Variants in CIITA observed in about 807,000 individuals in gnomAD.
CIITA encodes the protein MHC class II transactivator.
Under a neutral mutation model 115.1 loss-of-function variants are expected in CIITA, and 72 were observed. The observed-to-expected ratio is 0.63, with a 90% CI of 0.52 to 0.76. The LOEUF (loss-of-function observed/expected upper bound fraction) is 0.76. CIITA is among the 30% of genes least tolerant of loss of function. The probability of loss-of-function intolerance (pLI) is 0.00; values close to 1 mark genes in which losing one functional copy is unlikely to be tolerated. For missense variants in CIITA, 1,617 were observed against 1,463.8 expected, an observed-to-expected ratio of 1.10 and a Z score of -1.71; for synonymous variants, 763 against 635.6, an observed-to-expected ratio of 1.20 and a Z score of -3.02.
intron 1 of CIITA, among the ~76,000 whole-genome samples, chr16:10,893,804 TAAAAA>T (rs71136603): frequency 0.011 from 339 of 32,160 alleles, 2 homozygotes; most frequent in South Asian, 0.019. Flanking sequence ...GACTCCGTCT[TAAAAA>T]AAAAAAAAAA....
intron 13 of CIITA, among the ~76,000 whole-genome samples, chr16:10,913,734 T>C (rs1175267733): frequency 6.6e-6 from 1 of 151,862 alleles, no homozygotes; most frequent in Non-Finnish European, 1.5e-5. Context: ...GGCCAGGAGT[T>C]TGAGACCAGC....
Position 10,907,268 on chromosome 16 carries a change from C to T in CIITA, c.1776C>T (p.Asp592=). ...GCTCAGGGATGACAGAGCACCAAGA[C>T]AGAGCCCTGACGCTCCTCCGGGACC... ...FESSGMTEHQ[D]RALTLLRDRP... is the part of the protein sequence containing the mutation. Residue 592 remains aspartate, a synonymous_variant, in exon 11 of 20, where the codon GAC becomes GAT. Transcript: ENST00000324288. The surrounding 1 kb of genome is among the most constrained non-coding windows in gnomAD (Gnocchi z 5.0). The T allele has an allele frequency of 1.2e-6, 2 of 1,613,548 alleles. No homozygotes were observed. The highest frequency in any genetic ancestry group is 2.2e-5 in the South Asian group (2 of 91,086).
upstream of CIITA, among the ~76,000 whole-genome samples, chr16:10,876,986 C>T (rs1437299526): frequency 6.6e-6 from 1 of 152,200 alleles, no homozygotes; most frequent in Non-Finnish European, 1.5e-5. Flanking sequence ...TTCTGTGCAA[C>T]TTTCTGTCTT....
Position 10,918,339 on chromosome 16 carries a change from C to T in CIITA, c.3063-101C>T, listed in dbSNP as rs45563036. 2.3e-5 allele frequency: 24 copies of T among 1,053,026 alleles called. No individual in the cohort carries two copies. The East Asian group carries it at 4.0e-4, about 18-fold the overall frequency. The allele number at this position is 1,053,026 out of a possible 1,614,324, so 65.2% of individuals were successfully genotyped here. On this transcript the variant is annotated intron_variant, in intron 15 of 19. Coordinates refer to ENST00000324288, the MANE Select transcript of CIITA (RefSeq NM_000246.4). Reference sequence around the variant, plus strand: ...TTACCGAGAGGTAGCTTAAGTCTGTCGACAGCGCCATTCACAGCCTATGAC... The same window carrying T: ...TTACCGAGAGGTAGCTTAAGTCTGTTGACAGCGCCATTCACAGCCTATGAC...
At position 10,933,522 on chromosome 16, in the gene CIITA, C is replaced by T. The variant is rs2040888155; in HGVS notation, c.*9667C>T. The stretch of plus-strand genomic sequence containing the variant: ...TGTGACCTCAGACAAGTCACCCACC[C>T]TCTCTGGGCCAGTTTCCTCATCTGG... On this transcript the variant is annotated 3_prime_UTR_variant, in exon 20 of 20. Coordinates refer to ENST00000324288, the MANE Select transcript of CIITA (RefSeq NM_000246.4). 1 of 152,348 alleles carries T rather than the reference C, an allele frequency of 6.6e-6. No homozygotes were observed. Among genetic ancestry groups the T allele is most frequent in the African/African-American group, 2.4e-5 (1 of 41,472 alleles). The allele number at this position is 152,348 out of a possible 1,614,324, so 9.4% of individuals were successfully genotyped here.
rs1439595868 is a variant in CIITA at position 10,923,064 on chromosome 16, G to T, written c.3318-164G>T. 7.3e-6 allele frequency: 5 copies of T among 684,518 alleles called. No individual in the cohort carries two copies. Among genetic ancestry groups the T allele is most frequent in the East Asian group, 2.6e-5 (1 of 39,154 alleles). 42.4% of individuals were successfully genotyped at this position (684,518 alleles called of 1,614,324 possible). ...CATAAAGGAATCTCGGGCCTCCTAG[G>T]CTTCTCCTTTTCCCCATGACCCACA... On this transcript the variant is annotated intron_variant, in intron 18 of 19. Coordinates refer to ENST00000324288, the MANE Select transcript of CIITA (RefSeq NM_000246.4). The surrounding 1 kb of genome is among the most constrained non-coding windows in gnomAD (Gnocchi z 5.2).
At chr16:10,909,952 C>T (rs1398821854) in intron 12 of CIITA, among the ~76,000 whole-genome samples, 2 of 151,920 alleles carry the variant, frequency 1.3e-5, no homozygotes, top group Non-Finnish European at 2.9e-5. Context: ...CCAGGCTGGT[C>T]TTGAACTCCT....
chr16:10,875,682 C>T (rs758951720), upstream of CIITA, among the ~76,000 whole-genome samples: 1 of 151,642 alleles, frequency 6.6e-6, no homozygotes, highest in African/African-American at 2.4e-5. Flanking sequence ...TTTTCTTTTT[C>T]TTTAGGAGAG....
At chr16:10,887,118 C>G (rs1195331998) in intron 1 of CIITA, among the ~76,000 whole-genome samples, 1 of 152,172 alleles carries the variant, frequency 6.6e-6, no homozygotes, top group Non-Finnish European at 1.5e-5. Context: ...ATTTGAGCTA[C>G]TACCCCCACA....
At chr16:10,918,682 T>G (rs1236572708) in intron 16 of CIITA, among the ~76,000 whole-genome samples, 156 bp downstream of exon 16, 3 of 152,238 alleles carry the variant, frequency 2.0e-5, no homozygotes, top group African/African-American at 7.2e-5. Flanking sequence ...AAAGAAACTC[T>G]GAGCAAGTCA....
At chr16:10,877,830 G>A (rs550822760) in intron 1 of CIITA, among the ~76,000 whole-genome samples, 1 of 152,324 alleles carries the variant, frequency 6.6e-6, no homozygotes, top group African/African-American at 2.4e-5. Flanking sequence ...TGAGCCCTCA[G>A]CAGCTGGGGA....
chr16:10,917,069 G>C (rs1275350404), intron 15 of CIITA: 1 of 225,066 alleles, frequency 4.4e-6, no homozygotes, highest in East Asian at 6.6e-5. Context: ...AGGAGAGATA[G>C]ATTAGGATTT....
At chr16:10,883,960 C>A (rs138997069) in intron 1 of CIITA, among the ~76,000 whole-genome samples, 112 of 152,326 alleles carry the variant, frequency 7.4e-4, no homozygotes, top group African/African-American at 2.5e-3. Flanking sequence ...CAGCACCAGA[C>A]TGATACATTT....
At position 10,907,610 on chromosome 16, in the gene CIITA, G is replaced by C. The variant is rs139717340; in HGVS notation, c.2118G>C (p.Leu706=). ...QHPPRAAESE[L]AFPSFLLQCF... is the part of the protein sequence containing the mutation. ...CACCGCGGGCCGCAGAGTCCGAGCT[G>C]GCCTTCCCCAGCTTCCTCCTGCAAT... Residue 706 remains leucine, a synonymous_variant, in exon 11 of 20, where the codon CTG becomes CTC. Coordinates refer to ENST00000324288, the MANE Select transcript of CIITA (RefSeq NM_000246.4). The surrounding 1 kb of genome is among the most constrained non-coding windows in gnomAD (Gnocchi z 5.0). 6.2e-7 allele frequency: 1 copy of C among 1,614,242 alleles called. No individual in the cohort carries two copies. The highest frequency in any genetic ancestry group is 8.5e-7 in the Non-Finnish European group (1 of 1,180,046).
Position 10,907,559 on chromosome 16 carries a change from G to A in CIITA, c.2067G>A (p.Ala689=), listed in dbSNP as rs1423175671. The A allele has an allele frequency of 6.2e-6, 10 of 1,614,032 alleles. No individual in the cohort carries two copies. Among genetic ancestry groups the A allele is most frequent in the South Asian group, 1.1e-5 (1 of 91,088 alleles). Reference sequence around the variant, plus strand: ...CATCCGCAGACGTGAGGACCTGGGCGATGGCCAAAGGCTTAGTCCAACACC... The same window carrying A: ...CATCCGCAGACGTGAGGACCTGGGCAATGGCCAAAGGCTTAGTCCAACACC... ...QFPSADVRTW[A]MAKGLVQHPP... Residue 689 remains alanine, a synonymous_variant, in exon 11 of 20, where the codon GCG becomes GCA. Coordinates refer to ENST00000324288, the MANE Select transcript of CIITA (RefSeq NM_000246.4). The surrounding 1 kb of genome is among the most constrained non-coding windows in gnomAD (Gnocchi z 5.0).
chr16:10,894,897 C>T (rs1023539637), intron 1 of CIITA, among the ~76,000 whole-genome samples: 1 of 152,224 alleles, frequency 6.6e-6, no homozygotes, highest in Admixed American at 6.5e-5. Flanking sequence ...ACCTTCCTTA[C>T]ATGGTTACTG....
chr16:10,874,494 C>G (rs532705688), upstream of CIITA, among the ~76,000 whole-genome samples: 183 of 152,314 alleles, frequency 1.2e-3, no homozygotes, highest in African/African-American at 4.2e-3. Context: ...CAGCTCCTGG[C>G]TGGGTACCAC....
intron 5 of CIITA, among the ~76,000 whole-genome samples, chr16:10,900,397 T>A (rs1274288646): frequency 6.6e-6 from 1 of 152,224 alleles, no homozygotes; most frequent in Non-Finnish European, 1.5e-5. Flanking sequence ...TTTCTTGTTT[T>A]TCTTCTTTAT....
chr16:10,872,170 T>C (rs1350261868), intron 1 of CIITA, among the ~76,000 whole-genome samples: 2 of 152,162 alleles, frequency 1.3e-5, no homozygotes, highest in African/African-American at 4.8e-5. Flanking sequence ...TAGCCCAGGC[T>C]GGAATGCAGT....
Sources: gnomAD v4.1 joint callset for allele counts (sites outside exome capture counted in the v4.1 genomes callset) on GRCh38, gnomAD v4.1.1 for gene constraint, Gnocchi (gnomAD v3.1) non-coding constraint, MANE v1.5 for transcripts, NCBI Gene and HGNC (gene_info 2026-07-23, HGNC 2026-07-21) for gene names.